VDAC3: variants seen among roughly 807,000 people sequenced by gnomAD.
VDAC3 encodes the protein non-selective voltage-gated ion channel VDAC3.
Under a neutral mutation model 33.9 loss-of-function variants are expected in VDAC3, and 7 were observed. The observed-to-expected ratio is 0.21, with a 90% CI of 0.12 to 0.39. The LOEUF (loss-of-function observed/expected upper bound fraction) is 0.39, where lower values mean the gene tolerates loss of function less well. VDAC3 is among the 10% of genes least tolerant of loss of function. VDAC3 has a pLI of 1.00. For missense variants in VDAC3, 261 were observed against 334.5 expected, an observed-to-expected ratio of 0.78 and a Z score of 1.71; for synonymous variants, 100 against 122.4, an observed-to-expected ratio of 0.82 and a Z score of 1.21.
intron 4 of VDAC3, chr8:42,397,065 G>T (rs1802330210): frequency 5.6e-6 from 1 of 178,262 alleles, no homozygotes. Context: ...ATGCTGACAA[G>T]GGAGAAATGT....
At chr8:42,402,866 G>C (rs1444253750) in intron 7 of VDAC3, among the ~76,000 whole-genome samples, 1 of 152,214 alleles carries the variant, frequency 6.6e-6, no homozygotes, top group African/African-American at 2.4e-5. Context: ...TATCGTAGGA[G>C]GGTGCTTTCT....
In VDAC3 at chr8:42,400,353, CT is replaced by C. The variant is rs201714329; in HGVS notation, c.323+658del. ...CAAAAAAAAAAAAAAAAGTTAATTCCTTTTTTTTCCCCCTCACCCTCTCTTA... is the reference window on the plus strand; with the variant it reads ...CAAAAAAAAAAAAAAAAGTTAATTCCTTTTTTTCCCCCTCACCCTCTCTTA... On this transcript the variant is annotated intron_variant, in intron 6 of 9. Transcript: ENST00000022615. 4.9e-3 allele frequency among the ~76,000 whole-genome samples: 745 copies of C among 151,314 alleles called. 12 individuals carry two copies. The highest frequency in any genetic ancestry group is 0.017 in the African/African-American group (700 of 41,288).
At chr8:42,405,344 G>A (rs749919211) in intron 9 of VDAC3, 27 bp from the exon 10 acceptor site, 1 of 1,565,220 alleles carries the variant, frequency 6.4e-7, no homozygotes, top group Non-Finnish European at 8.8e-7. Context: ...CTTGTTTCAA[G>A]TGATTGTGGT....
chr8:42,392,524 T>G (rs1307657285), intron 1 of VDAC3, among the ~76,000 whole-genome samples: 1 of 152,214 alleles, frequency 6.6e-6, no homozygotes, highest in African/African-American at 2.4e-5. Context: ...TCTGTTGTTC[T>G]CGATTTTTGC....
Position 42,394,262 on chromosome 8 carries a change from C to T in VDAC3, c.51C>T (p.Val17=), listed in dbSNP as rs371017185. 7 of 1,613,294 alleles carry T rather than the reference C, an allele frequency of 4.3e-6. No individual in the cohort carries two copies. The highest frequency in any genetic ancestry group is 5.9e-6 in the Non-Finnish European group (7 of 1,179,610). Residue 17 remains valine, a synonymous_variant, in exon 3 of 10, where the codon GTC becomes GTT. Coordinates refer to ENST00000022615, the MANE Select transcript of VDAC3 (RefSeq NM_005662.7). ...YCDLGKAAKD[V]FNKGYGFGMV... ...ACCTAGGAAAGGCTGCTAAGGATGT[C>T]TTCAACAAAGGATATGGTAAGTATG...
intron 4 of VDAC3, chr8:42,397,408 C>T (rs1802335182): frequency 6.6e-6 from 1 of 152,082 alleles, no homozygotes; most frequent in Admixed American, 6.6e-5. Flanking sequence ...GGGGACAGGG[C>T]ATTTGTTAAG....
Position 42,405,482 on chromosome 8 carries a change from C to G in VDAC3, c.*20C>G. The G allele has an allele frequency of 1.0e-5, 16 of 1,598,698 alleles. No homozygotes were observed. The highest frequency in any genetic ancestry group is 1.4e-5 in the Non-Finnish European group (16 of 1,168,700). ...GCTTAATGTGGTTTGAGGAAAGCAT[C>G]AGATTTGTCCCTGGAAGTGAAGAGA... On this transcript the variant is annotated 3_prime_UTR_variant, in exon 10 of 10. Coordinates refer to ENST00000022615, the MANE Select transcript of VDAC3 (RefSeq NM_005662.7).
intron 5 of VDAC3, 85 bp from the exon 6 acceptor site, chr8:42,399,560 TAAAGAA>T: frequency 8.1e-7 from 1 of 1,240,944 alleles, no homozygotes; most frequent in Admixed American, 2.4e-5. Context: ...TTTTTTTTGT[TAAAGAA>T]CTCAGGAAAC....
chr8:42,398,626 T>A, intron 4 of VDAC3, 86 bp from the exon 5 acceptor site: 1 of 1,421,830 alleles, frequency 7.0e-7, no homozygotes, highest in South Asian at 1.4e-5. Flanking sequence ...GGTATTGTTT[T>A]TGATACATTG....
intron 8 of VDAC3, among the ~76,000 whole-genome samples, chr8:42,404,051 T>C (rs1364346860): frequency 1.3e-5 from 2 of 152,178 alleles, no homozygotes; most frequent in South Asian, 4.1e-4. Context: ...ATAGTAACTC[T>C]TACTAAAAAT....
At chr8:42,395,283 T>C (rs1802289466) in intron 4 of VDAC3, 150 bp downstream of exon 4, 2 of 1,242,012 alleles carry the variant, frequency 1.6e-6, no homozygotes, top group Non-Finnish European at 2.2e-6. Flanking sequence ...TCTTAGCCAA[T>C]TAAAATAAAC....
At chr8:42,396,974 T>C (rs1802329345) in intron 4 of VDAC3, 1 of 335,276 alleles carries the variant, frequency 3.0e-6, no homozygotes, top group Non-Finnish European at 5.4e-6. Flanking sequence ...GGAACTCAAC[T>C]TAGAACAATT....
At chr8:42,404,972 A>G in intron 9 of VDAC3, 48 bp downstream of exon 9, 10 of 1,554,954 alleles carry the variant, frequency 6.4e-6, no homozygotes, top group Non-Finnish European at 8.8e-6. Flanking sequence ...AAGGTGATAG[A>G]GAAAACAATG....
At position 42,405,538 on chromosome 8, in the gene VDAC3, TC is replaced by T; in HGVS notation, c.*77del. 7.8e-7 allele frequency: 1 copy of T among 1,275,334 alleles called. No individual in the cohort carries two copies. The highest frequency in any genetic ancestry group is 1.1e-6 in the Non-Finnish European group (1 of 894,356). 79.0% of individuals were successfully genotyped at this position (1,275,334 alleles called of 1,614,324 possible). On this transcript the variant is annotated 3_prime_UTR_variant, in exon 10 of 10. Coordinates refer to ENST00000022615, the MANE Select transcript of VDAC3 (RefSeq NM_005662.7). Reference sequence around the variant, plus strand: ...ACCCACTATGTTTTGGCCTTAAAATTCTTCTGTGAAATTTCAAAAGTGTGAA... The same window carrying T: ...ACCCACTATGTTTTGGCCTTAAAATTTTCTGTGAAATTTCAAAAGTGTGAA...
intron 3 of VDAC3, 90 bp downstream of exon 3, chr8:42,394,368 T>C: frequency 2.7e-6 from 3 of 1,116,778 alleles, no homozygotes; most frequent in Non-Finnish European, 4.0e-6. Context: ...AAAATAAGGG[T>C]AAGTCAGCAT....
chr8:42,405,395 T>C lies in VDAC3; in HGVS notation c.785T>C (p.Leu262Ser). ...RPGVKLTLSA[L>S]IDGKNFSAGG... The stretch of plus-strand genomic sequence containing the variant: ...GGAGTCAAATTGACTTTATCAGCTT[T>C]AATCGATGGGAAGAACTTCAGTGCA... The change falls in exon 10 of 10, where the codon TTA (leucine) becomes TCA (serine). Residue 262 changes from leucine (L) to serine (S), a missense_variant. Physicochemically the swap from Leu to Ser is moderately radical, Grantham distance 145. Transcript: ENST00000022615. The C allele has an allele frequency of 6.2e-7, 1 of 1,613,148 alleles. No homozygotes were observed. Among genetic ancestry groups the C allele is most frequent in the Non-Finnish European group, 8.5e-7 (1 of 1,179,994 alleles).
At chr8:42,400,319 ACT>A (rs925215203) in intron 6 of VDAC3, among the ~76,000 whole-genome samples, 18 of 148,380 alleles carry the variant, frequency 1.2e-4, no homozygotes, top group African/African-American at 4.2e-4. Context: ...ACAGAGCGAG[ACT>A]CTGTCTCAAA....
At chr8:42,396,418 CAT>C (rs760285335) in intron 4 of VDAC3, among the ~76,000 whole-genome samples, 8 of 152,262 alleles carry the variant, frequency 5.3e-5, no homozygotes, top group South Asian at 4.1e-4. Context: ...AGGACAAAGA[CAT>C]GTGGAATTCT....
intron 1 of VDAC3, among the ~76,000 whole-genome samples, chr8:42,392,346 C>T (rs1824884381): frequency 6.6e-6 from 1 of 152,230 alleles, no homozygotes; most frequent in Non-Finnish European, 1.5e-5. Context: ...GGGCTCTGTA[C>T]TGGCTGTCAA....
Sources: allele counts gnomAD v4.1 joint callset (sites outside exome capture counted in the v4.1 genomes callset), GRCh38; gene constraint gnomAD v4.1.1; transcripts MANE v1.5; gene names NCBI Gene and HGNC (gene_info 2026-07-23, HGNC 2026-07-21).